The following CADPS variants were observed in gnomAD, a reference collection of about 807,000 sequenced individuals.
The protein encoded by CADPS is calcium dependent secretion activator.
A neutral mutation model predicts 167.3 loss-of-function variants in CADPS; 57 were observed. That is an observed-to-expected ratio of 0.34 (90% confidence interval 0.28 to 0.42). The LOEUF (loss-of-function observed/expected upper bound fraction) is 0.42, where lower values mean the gene tolerates loss of function less well. CADPS is among the 20% of genes least tolerant of loss of function. The pLI, the probability that CADPS is intolerant of heterozygous loss-of-function variation, is 1.00. For synonymous variants in CADPS, 676 were observed against 635.3 expected (o/e 1.06, Z -0.96); for missense variants, 1,414 against 1,738.1 (o/e 0.81, Z 3.32).
chr3:62,410,856 G>A lies in CADPS; in HGVS notation c.3778-7671C>T, dbSNP rs989461469. 3.9e-5 allele frequency among the ~76,000 whole-genome samples: 6 copies of A among 152,198 alleles called. No individual in the cohort carries two copies. In the South Asian group the frequency reaches 1.2e-3, roughly 32 times the overall value. ...GTGGCTCACAGTGCCTGTAATCCCA[G>A]CACTTTGGGAGGCTAAAGTGGGAGG... On this transcript the variant is annotated intron_variant, in intron 28 of 29. Transcript: ENST00000383710.
intron 4 of CADPS, 58 bp from the exon 5 acceptor site, chr3:62,651,138 G>GACCTTCTTTATA: frequency 1.6e-6 from 2 of 1,240,926 alleles, no homozygotes; most frequent in Non-Finnish European, 2.3e-6. Flanking sequence ...GATTTATAAA[G>GACCTTCTTTATA]AAGGTCTTTG....
At chr3:62,667,408 T>C (rs1183593771) in intron 3 of CADPS, among the ~76,000 whole-genome samples, 2 of 152,118 alleles carry the variant, frequency 1.3e-5, no homozygotes, top group East Asian at 3.9e-4. Context: ...CTGTGGGATC[T>C]TGAGCCAAAG....
chr3:62,755,930 G>C (rs2083785303), intron 2 of CADPS, among the ~76,000 whole-genome samples: 2 of 152,146 alleles, frequency 1.3e-5, no homozygotes, highest in South Asian at 4.1e-4. Context: ...GAAGTCTCTG[G>C]AAAGGCAATG....
chr3:62,408,708 T>C (rs2048369322), intron 28 of CADPS, among the ~76,000 whole-genome samples: 1 of 152,224 alleles, frequency 6.6e-6, no homozygotes, highest in African/African-American at 2.4e-5. Context: ...TTTGATATCC[T>C]ACAAAGACAT....
intron 1 of CADPS, among the ~76,000 whole-genome samples, chr3:62,838,058 C>T (rs919161761): frequency 2.0e-5 from 3 of 152,168 alleles, no homozygotes; most frequent in South Asian, 4.1e-4. Flanking sequence ...GGCAAGAAAT[C>T]CATCCATACG....
intron 16 of CADPS, 128 bp from the exon 17 acceptor site, chr3:62,512,896 T>C: frequency 1.4e-6 from 1 of 713,548 alleles, no homozygotes; most frequent in Non-Finnish European, 2.1e-6. Flanking sequence ...AAAGAAAAGG[T>C]TGCCCTTGGG....
intron 6 of CADPS, among the ~76,000 whole-genome samples, chr3:62,635,554 GTGTA>G (rs1351156645): frequency 1.3e-5 from 2 of 151,918 alleles, no homozygotes. Context: ...TTTTATGTGT[GTGTA>G]TGTATTTTAT....
chr3:62,724,673 T>A (rs1180138653), intron 3 of CADPS, among the ~76,000 whole-genome samples: 1 of 152,180 alleles, frequency 6.6e-6, no homozygotes, highest in Non-Finnish European at 1.5e-5. Context: ...CATTTAGCAA[T>A]GCATCAGTGA....
At chr3:62,852,723 A>T (rs2078879817) in intron 1 of CADPS, among the ~76,000 whole-genome samples, 1 of 152,160 alleles carries the variant, frequency 6.6e-6, no homozygotes, top group South Asian at 2.1e-4. Flanking sequence ...AAATTCCAGG[A>T]ACATTATCAG....
At chr3:62,622,413 C>T (rs1412774882) in intron 6 of CADPS, among the ~76,000 whole-genome samples, 2 of 152,072 alleles carry the variant, frequency 1.3e-5, no homozygotes, top group African/African-American at 4.8e-5. Flanking sequence ...GAAACTTCTT[C>T]CTAAAGCTGA....
At chr3:62,635,462 A>G (rs2066108831) in intron 6 of CADPS, among the ~76,000 whole-genome samples, 2 of 152,150 alleles carry the variant, frequency 1.3e-5, no homozygotes, top group Admixed American at 6.5e-5. Flanking sequence ...TCATTATTAG[A>G]TTGTATAGTG....
chr3:62,570,513 C>T (rs1363052578), intron 9 of CADPS, among the ~76,000 whole-genome samples: 1 of 152,326 alleles, frequency 6.6e-6, no homozygotes, highest in East Asian at 1.9e-4. Context: ...TTGGCATGAG[C>T]TTGCTCCCTT....
chr3:62,469,051 C>T (rs1380944417), intron 24 of CADPS, among the ~76,000 whole-genome samples: 1 of 152,138 alleles, frequency 6.6e-6, no homozygotes, highest in African/African-American at 2.4e-5. Context: ...ATACATTTCT[C>T]TAAACTCACC....
intron 3 of CADPS, among the ~76,000 whole-genome samples, chr3:62,712,532 G>T (rs993854466): frequency 2.0e-5 from 3 of 152,116 alleles, no homozygotes; most frequent in African/African-American, 7.2e-5. Context: ...TTAGGTTATA[G>T]ATGCGTTTCT....
rs114921042 is a variant in CADPS at position 62,528,572 on chromosome 3, G to C, written c.2291+4299C>G. Among the ~76,000 whole-genome samples the C allele has an allele frequency of 5.9e-3, 892 of 152,244 alleles. 5 individuals carry two copies. Among genetic ancestry groups the C allele is most frequent in the African/African-American group, 0.02 (822 of 41,538 alleles). On this transcript the variant is annotated intron_variant, in intron 13 of 29. Transcript: ENST00000383710. ...TCACTTGTTATTGTAATCCATAGAA[G>C]ATAATTTTAGATGTTAAAGGGATAT...
intron 7 of CADPS, among the ~76,000 whole-genome samples, chr3:62,586,058 C>T (rs2084543272): frequency 6.6e-6 from 1 of 152,170 alleles, no homozygotes; most frequent in African/African-American, 2.4e-5. Context: ...GTGAGTAACT[C>T]ACTAAATCCA....
intron 1 of CADPS, among the ~76,000 whole-genome samples, chr3:62,863,325 T>C (rs977033955): frequency 2.0e-5 from 3 of 152,222 alleles, no homozygotes; most frequent in African/African-American, 7.2e-5. Context: ...TGGTTTCCTC[T>C]TCTGTAGGAT....
intron 14 of CADPS, among the ~76,000 whole-genome samples, chr3:62,516,936 G>C (rs543795714): frequency 1.3e-5 from 2 of 152,116 alleles, no homozygotes; most frequent in Non-Finnish European, 2.9e-5. Flanking sequence ...AGAACTATTT[G>C]TTAGCTCAAA....
chr3:62,659,917 A>C (rs2072758867), intron 4 of CADPS, among the ~76,000 whole-genome samples: 1 of 152,178 alleles, frequency 6.6e-6, no homozygotes, highest in African/African-American at 2.4e-5. Context: ...CTAGACAGGG[A>C]CCCTCCATAT....
Sources: allele counts gnomAD v4.1 joint callset (sites outside exome capture counted in the v4.1 genomes callset), GRCh38; gene constraint gnomAD v4.1.1; transcripts MANE v1.5; gene names NCBI Gene and HGNC (gene_info 2026-07-23, HGNC 2026-07-21).